The following ACTN1 variants were observed in gnomAD, a reference collection of about 807,000 sequenced individuals.
The protein encoded by ACTN1 is alpha-actinin-1.
ACTN1 carries 30 observed loss-of-function variants against 119.6 expected under a neutral mutation model. That is an observed-to-expected ratio of 0.25 (90% CI 0.19 to 0.34). The LOEUF (loss-of-function observed/expected upper bound fraction) is 0.34. Among genes scored for constraint, ACTN1 ranks in the 10% least tolerant of loss-of-function variants. ACTN1 has a pLI of 1.00. For synonymous variants in ACTN1, 429 were observed against 472.6 expected (o/e 0.91, Z 1.20); for missense variants, 764 against 1,223.4 (o/e 0.62, Z 5.60).
chr14:68,881,423 G>A (rs1410799897), intron 16 of ACTN1, among the ~76,000 whole-genome samples: 3 of 152,188 alleles, frequency 2.0e-5, no homozygotes, highest in Non-Finnish European at 2.9e-5. Context: ...CTGCTGTTCC[G>A]CCTCCTGGGA....
In ACTN1 at chr14:68,879,825, C is replaced by G. The variant is rs759973691; in HGVS notation, c.2280+137G>C. The G allele has an allele frequency of 1.1e-5, 14 of 1,281,460 alleles. No individual in the cohort carries two copies. The highest frequency in any genetic ancestry group is 1.4e-5 in the Non-Finnish European group (13 of 940,114). The allele number at this position is 1,281,460 out of a possible 1,614,324, so 79.4% of individuals were successfully genotyped here. A position where few individuals can be genotyped will look rare whatever the true frequency, so the allele number is the denominator to read the frequency against. ...GCTGGTTTTGCAGGGTGCATTGAGT[C>G]AGGGCAGGCTGACGGCAGTTTCCCC... On this transcript the variant is annotated intron_variant, in intron 18 of 21. Transcript: ENST00000394419. The surrounding 1 kb of genome is among the most constrained non-coding windows in gnomAD (Gnocchi z 4.9).
chr14:68,882,984 C>T lies in ACTN1; in HGVS notation c.1707G>A (p.Leu569=), dbSNP rs374366318. 8 of 1,614,172 alleles carry T rather than the reference C, an allele frequency of 5.0e-6. No individual in the cohort carries two copies. Among genetic ancestry groups the T allele is most frequent in the East Asian group, 4.5e-5 (2 of 44,872 alleles). The change falls in exon 15 of 22, where the codon CTG becomes CTA. Residue 569 remains leucine, a synonymous_variant. Transcript: ENST00000394419. The surrounding 1 kb of genome is among the most constrained non-coding windows in gnomAD (Gnocchi z 4.5). ...PDADKERLAI[L]GIHNEVSKIV... is the part of the protein sequence containing the mutation. ...TCTTGGACACCTCATTGTGGATGCCCAGGATGGCCAGGCGCTCCTTGTCGG... is the reference window on the plus strand; with the variant it reads ...TCTTGGACACCTCATTGTGGATGCCTAGGATGGCCAGGCGCTCCTTGTCGG...
chr14:68,875,295 A>C, intron 21 of ACTN1: 1 of 781,500 alleles, frequency 1.3e-6, no homozygotes, highest in Non-Finnish European at 2.0e-6. Flanking sequence ...ACCTATAATC[A>C]TCTTCTGAAT....
chr14:68,898,597 G>A (rs2033045378), intron 8 of ACTN1, among the ~76,000 whole-genome samples: 1 of 152,040 alleles, frequency 6.6e-6, no homozygotes, highest in Non-Finnish European at 1.5e-5. Flanking sequence ...GTCAGCAAGA[G>A]TCCTTCTCCT....
chr14:68,919,574 G>A (rs750062462), intron 3 of ACTN1, among the ~76,000 whole-genome samples: 1 of 152,224 alleles, frequency 6.6e-6, no homozygotes, highest in Non-Finnish European at 1.5e-5. Flanking sequence ...TGTGCATCAT[G>A]CTGCTAGGAA....
rs181468 is a variant in ACTN1 at position 68,885,753 on chromosome 14, C to G, written c.1235-178G>C. The G allele has an allele frequency of 5.7e-3, 3,920 of 685,348 alleles. 95 individuals carry two copies. The African/African-American group carries it at 0.062, about 11-fold the overall frequency. 42.5% of individuals were successfully genotyped at this position (685,348 alleles called of 1,614,324 possible). A position where few individuals can be genotyped will look rare whatever the true frequency, so the allele number is the denominator to read the frequency against. ...ATGTGCAACTAGAACATCCACCAAC[C>G]GGCGCAACGGGGAAAAGCACTCTCC... On this transcript the variant is annotated intron_variant, in intron 11 of 21. Transcript: ENST00000394419. This position sits in a 1 kb window ranked among gnomAD's most constrained non-coding sequence, Gnocchi z 5.6.
chr14:68,896,398 T>C (rs968291508), intron 8 of ACTN1, among the ~76,000 whole-genome samples: 3 of 151,922 alleles, frequency 2.0e-5, no homozygotes, highest in Non-Finnish European at 4.4e-5. Context: ...TGAGGTCAGC[T>C]GGGAAGGCCA....
intron 6 of ACTN1, among the ~76,000 whole-genome samples, chr14:68,907,801 G>A (rs1038169362): frequency 2.6e-5 from 4 of 152,100 alleles, no homozygotes; most frequent in Non-Finnish European, 5.9e-5. Flanking sequence ...CCCTTTAGTG[G>A]GGATGTCCAA....
chr14:68,923,803 A>C (rs140511283), intron 2 of ACTN1, among the ~76,000 whole-genome samples: 1 of 152,332 alleles, frequency 6.6e-6, no homozygotes, highest in East Asian at 1.9e-4. Flanking sequence ...ATTTTGTACA[A>C]CCATGTCCTA....
chr14:68,976,486 A>G (rs1566686737), intron 1 of ACTN1, among the ~76,000 whole-genome samples: 1 of 152,236 alleles, frequency 6.6e-6, no homozygotes, highest in African/African-American at 2.4e-5. Context: ...GAGGCCCACG[A>G]AAGATAATCT....
intron 1 of ACTN1, among the ~76,000 whole-genome samples, chr14:68,930,792 T>C (rs892849762): frequency 1.3e-5 from 2 of 152,196 alleles, no homozygotes; most frequent in Non-Finnish European, 2.9e-5. Context: ...GACAGTCCAC[T>C]TAAAACACTG....
chr14:68,906,207 T>C (rs906145030), intron 6 of ACTN1, among the ~76,000 whole-genome samples: 3 of 152,152 alleles, frequency 2.0e-5, no homozygotes, highest in African/African-American at 7.2e-5. Context: ...GAACAGTAAG[T>C]GTATTTAAAA....
rs147452352 is a variant in ACTN1, at chr14:68,969,551, A to G, written c.105+9401T>C. Among the ~76,000 whole-genome samples the G allele has an allele frequency of 4.2e-3, 646 of 152,312 alleles. 4 individuals are homozygous for G. Among genetic ancestry groups the G allele is most frequent in the African/African-American group, 0.015 (623 of 41,566 alleles). The stretch of plus-strand genomic sequence containing the variant: ...AGGGAGCCACTCCTCTGCCAAGGTC[A>G]AGGAGGTGGCCAAAAACAACAGAGG... On this transcript the variant is annotated intron_variant, in intron 1 of 21. Transcript: ENST00000394419.
At chr14:68,927,682 G>A (rs370979454) in intron 1 of ACTN1, among the ~76,000 whole-genome samples, 285 of 152,288 alleles carry the variant, frequency 1.9e-3, no homozygotes, top group African/African-American at 6.5e-3. Flanking sequence ...GCAGGACAGG[G>A]AAGCGTATGT....
intron 11 of ACTN1, among the ~76,000 whole-genome samples, chr14:68,888,893 A>C (rs1488875994): frequency 6.6e-6 from 1 of 152,096 alleles, no homozygotes; most frequent in Non-Finnish European, 1.5e-5. Flanking sequence ...CTTCCACGAA[A>C]CTGGTCCCCG....
At position 68,878,650 on chromosome 14, in the gene ACTN1, C is replaced by T. The variant is rs770019977; in HGVS notation, c.2362-127G>A. On this transcript the variant is annotated intron_variant, in intron 19 of 21. Transcript: ENST00000394419. This position sits in a 1 kb window ranked among gnomAD's most constrained non-coding sequence, Gnocchi z 4.4. Reference sequence around the variant, plus strand: ...GGATGAGATTTATGGTTTTGGGGGTCAGGATAGGTAAAGGAACATAGGAGA... The same window carrying T: ...GGATGAGATTTATGGTTTTGGGGGTTAGGATAGGTAAAGGAACATAGGAGA... 1.9e-6 allele frequency: 3 copies of T among 1,551,158 alleles called. No individual in the cohort carries two copies. Among genetic ancestry groups the T allele is most frequent in the Non-Finnish European group, 1.7e-6 (2 of 1,149,970 alleles).
intron 1 of ACTN1, among the ~76,000 whole-genome samples, chr14:68,940,457 A>T (rs1256346155): frequency 6.6e-6 from 1 of 152,058 alleles, no homozygotes; most frequent in East Asian, 1.9e-4. Flanking sequence ...CCATGGTCTT[A>T]TCTGTGGAAT....
rs115138320 is a variant in ACTN1, at chr14:68,972,042, C to A, written c.105+6910G>T. Among the ~76,000 whole-genome samples, 1,034 of 152,276 alleles carry A rather than the reference C, an allele frequency of 6.8e-3. 15 individuals carry two copies. Among genetic ancestry groups the A allele is most frequent in the African/African-American group, 0.024 (987 of 41,540 alleles). On this transcript the variant is annotated intron_variant, in intron 1 of 21. Transcript: ENST00000394419. ...AAAGCTGCCTCACTTGGACTCCCAC[C>A]CTGCCAACCCTGGGGAGAGCACACG...
At chr14:68,968,543 C>G (rs963358006) in intron 1 of ACTN1, among the ~76,000 whole-genome samples, 3 of 152,190 alleles carry the variant, frequency 2.0e-5, no homozygotes, top group Non-Finnish European at 4.4e-5. Context: ...TGTATAGGAA[C>G]AAAAACACCA....
Sources: gnomAD v4.1 joint callset for allele counts (sites outside exome capture counted in the v4.1 genomes callset) on GRCh38, gnomAD v4.1.1 for gene constraint, Gnocchi (gnomAD v3.1) non-coding constraint, MANE v1.5 for transcripts, NCBI Gene and HGNC (gene_info 2026-07-23, HGNC 2026-07-21) for gene names.